The following CMTM5 variants were observed in gnomAD, a reference collection of about 807,000 sequenced individuals.
CMTM5 encodes the protein CKLF like MARVEL transmembrane domain containing 5, also known as CKLF-like MARVEL transmembrane domain-containing protein 5.
In CMTM5, 25 loss-of-function variants were observed where a neutral mutation model predicts 26.9. That is an observed-to-expected ratio of 0.93 (90% CI 0.68 to 1.30). The LOEUF (loss-of-function observed/expected upper bound fraction) is 1.30, where lower values mean the gene tolerates loss of function less well. CMTM5 is among the 50% of genes most tolerant of loss of function. The pLI is 0.00. For synonymous variants in CMTM5, 98 were observed against 115.5 expected (o/e 0.85, Z 0.97); for missense variants, 292 against 289.6 (o/e 1.01, Z -0.06).
Position 23,377,292 on chromosome 14 carries a change from A to AG in CMTM5, c.46dup (p.Val16GlyfsTer74). ...GATCGCCGGGACCGGCACCCTGAGG[A>AG]GGGGGTAGTTGCAGAGCTCCAGGGC... On this transcript the variant is annotated frameshift_variant, in exon 1 of 6. Coordinates refer to ENST00000339180, the MANE Select transcript of CMTM5 (RefSeq NM_001288746.2). LOFTEE classifies it high-confidence loss of function. The surrounding 1 kb of genome is among the most constrained non-coding windows in gnomAD (Gnocchi z 4.6). 1 of 1,612,284 alleles carries AG rather than the reference A, an allele frequency of 6.2e-7. No homozygotes were observed. The highest frequency in any genetic ancestry group is 1.1e-5 in the South Asian group (1 of 90,908).
Position 23,378,642 on chromosome 14 carries a change from G to A in CMTM5, c.280-27G>A, listed in dbSNP as rs1475908448. 3.1e-6 allele frequency: 5 copies of A among 1,610,856 alleles called. No individual in the cohort carries two copies. The highest frequency in any genetic ancestry group is 1.6e-4 in the Middle Eastern group (1 of 6,078). On this transcript the variant is annotated intron_variant, in intron 2 of 5. Transcript: ENST00000339180. The surrounding 1 kb of genome is among the most constrained non-coding windows in gnomAD (Gnocchi z 4.2). ...CATGCTATGCCCTGCACTCAAAGGTGTGCTTTGACTCACACTGATTTCACA... is the reference window on the plus strand; with the variant it reads ...CATGCTATGCCCTGCACTCAAAGGTATGCTTTGACTCACACTGATTTCACA...
chr14:23,377,362 G>A lies in CMTM5; in HGVS notation c.111G>A (p.Leu37=), dbSNP rs769743396. 1 of 1,591,142 alleles carries A rather than the reference G, an allele frequency of 6.3e-7. No homozygotes were observed. The highest frequency in any genetic ancestry group is 8.6e-7 in the Non-Finnish European group (1 of 1,166,034). ...KAFLTSHKGI[L]LETELALTLI... ...TCCTCACCTCCCACAAGGGCATCCT[G>A]CTGGAAACCGAGCTGGTAACAGCTG... Residue 37 remains leucine (L), a synonymous_variant, in exon 1 of 6, where the codon CTG becomes CTA. Coordinates refer to ENST00000339180, the MANE Select transcript of CMTM5 (RefSeq NM_001288746.2). This position sits in a 1 kb window ranked among gnomAD's most constrained non-coding sequence, Gnocchi z 4.6.
At position 23,378,927 on chromosome 14, in the gene CMTM5, G is replaced by A. The variant is rs1349763673; in HGVS notation, c.480+58G>A. ...TTGTGTGAGGGGTATCCTATGGAGGGGTTCAGAATCCCTCAGGGTCGGGCT... is the reference window on the plus strand; with the variant it reads ...TTGTGTGAGGGGTATCCTATGGAGGAGTTCAGAATCCCTCAGGGTCGGGCT... On this transcript the variant is annotated intron_variant, in intron 3 of 5. Transcript: ENST00000339180. This position sits in a 1 kb window ranked among gnomAD's most constrained non-coding sequence, Gnocchi z 4.2. 56 of 1,605,728 alleles carry A rather than the reference G, an allele frequency of 3.5e-5. No individual in the cohort carries two copies. Among genetic ancestry groups the A allele is most frequent in the Non-Finnish European group, 4.6e-5 (54 of 1,174,314 alleles).
Position 23,379,128 on chromosome 14 carries a change from GT to G in CMTM5, c.573+7del. 2 of 1,613,438 alleles carry G rather than the reference GT, an allele frequency of 1.2e-6. No individual in the cohort carries two copies. Among genetic ancestry groups the G allele is most frequent in the Non-Finnish European group, 1.7e-6 (2 of 1,179,658 alleles). Reference sequence around the variant, plus strand: ...GGAGCTGCCATTGCTGCTTTTGTGAGTTCAGCCCTGCAGGACTCCTTAGCCC... The same window carrying G: ...GGAGCTGCCATTGCTGCTTTTGTGAGTCAGCCCTGCAGGACTCCTTAGCCC... On this transcript the variant is annotated splice_donor_region_variant and intron_variant, in intron 4 of 5. Coordinates refer to ENST00000339180, the MANE Select transcript of CMTM5 (RefSeq NM_001288746.2).
Position 23,377,963 on chromosome 14 carries a change from T to C in CMTM5, c.127-386T>C. The C allele has an allele frequency of 4.5e-6, 1 of 220,806 alleles. No homozygotes were observed. The highest frequency in any genetic ancestry group is 8.8e-6 in the Non-Finnish European group (1 of 113,352). The allele number at this position is 220,806 out of a possible 1,614,324, so 13.7% of individuals were successfully genotyped here. On this transcript the variant is annotated intron_variant, in intron 1 of 5. Transcript: ENST00000339180. This position sits in a 1 kb window ranked among gnomAD's most constrained non-coding sequence, Gnocchi z 4.6. ...CCTTGTCAGGGGGCTTTCAGGCATCTGGGGGTGGGGAAAGCATTATGAGGC... is the reference window on the plus strand; with the variant it reads ...CCTTGTCAGGGGGCTTTCAGGCATCCGGGGGTGGGGAAAGCATTATGAGGC...
Position 23,378,553 on chromosome 14 carries a change from A to T in CMTM5, c.279+52A>T. 1.2e-6 allele frequency: 2 copies of T among 1,611,278 alleles called. No homozygotes were observed. Among genetic ancestry groups the T allele is most frequent in the Non-Finnish European group, 1.7e-6 (2 of 1,177,886 alleles). On this transcript the variant is annotated intron_variant, in intron 2 of 5. Coordinates refer to ENST00000339180, the MANE Select transcript of CMTM5 (RefSeq NM_001288746.2). This position sits in a 1 kb window ranked among gnomAD's most constrained non-coding sequence, Gnocchi z 4.2. The stretch of plus-strand genomic sequence containing the variant: ...TTTGGGGCCCTTCCCTCTCCTCTAA[A>T]TGATGCATTTTCCTTTCCTCCCCGA...
At position 23,378,101 on chromosome 14, in the gene CMTM5, T is replaced by A; in HGVS notation, c.127-248T>A. 1 of 559,638 alleles carries A rather than the reference T, an allele frequency of 1.8e-6. No homozygotes were observed. The highest frequency in any genetic ancestry group is 3.2e-6 in the Non-Finnish European group (1 of 314,356). 34.7% of individuals were successfully genotyped at this position (559,638 alleles called of 1,614,324 possible). On this transcript the variant is annotated intron_variant, in intron 1 of 5. Transcript: ENST00000339180. This position sits in a 1 kb window ranked among gnomAD's most constrained non-coding sequence, Gnocchi z 4.2. Reference sequence around the variant, plus strand: ...TGGGATAGTGCTCCTGGGAGCCATATGGCTTGGCCAGACTGCTGGGGTTGC... The same window carrying A: ...TGGGATAGTGCTCCTGGGAGCCATAAGGCTTGGCCAGACTGCTGGGGTTGC...
At position 23,379,293 on chromosome 14, in the gene CMTM5, C is replaced by A; in HGVS notation, c.574-6C>A. 6.2e-7 allele frequency: 1 copy of A among 1,614,156 alleles called. No individual in the cohort carries two copies. Among genetic ancestry groups the A allele is most frequent in the Non-Finnish European group, 8.5e-7 (1 of 1,180,010 alleles). On this transcript the variant is annotated splice_polypyrimidine_tract_variant and splice_region_variant and intron_variant, in intron 4 of 5. Coordinates refer to ENST00000339180, the MANE Select transcript of CMTM5 (RefSeq NM_001288746.2). ...TGTTTTGCCATCCCCACTCCCACTCCCACAGGTTTTTGGCATCATCCTGGT... is the reference window on the plus strand; with the variant it reads ...TGTTTTGCCATCCCCACTCCCACTCACACAGGTTTTTGGCATCATCCTGGT...
Position 23,379,640 on chromosome 14 carries a change from T to C in CMTM5, c.*153T>C. ...TGAGACGTCACTGGGGACTTATCTG[T>C]GGAGCCTGGTGCTCCAGGATGTGGC... On this transcript the variant is annotated 3_prime_UTR_variant, in exon 6 of 6. Coordinates refer to ENST00000339180, the MANE Select transcript of CMTM5 (RefSeq NM_001288746.2). 1 of 1,393,074 alleles carries C rather than the reference T, an allele frequency of 7.2e-7. No individual in the cohort carries two copies. The highest frequency in any genetic ancestry group is 1.3e-5 in the South Asian group (1 of 74,938). The allele number at this position is 1,393,074 out of a possible 1,614,324, so 86.3% of individuals were successfully genotyped here. A position where few individuals can be genotyped will look rare whatever the true frequency, so the allele number is the denominator to read the frequency against.
rs1236622640 is a variant in CMTM5 at position 23,379,039 on chromosome 14, G to A, written c.489G>A (p.Leu163=). Residue 163 remains leucine (L), a synonymous_variant, in exon 4 of 6, where the codon CTG becomes CTA. Transcript: ENST00000339180. ...CFHSLGSSDF[L]RCVSAIIIFL... is the part of the protein sequence containing the mutation. ...GCACCCCTGGCCCCCAGGACTTCCT[G>A]CGCTGTGTCAGTGCCATCATCATCT... 6.2e-7 allele frequency: 1 copy of A among 1,613,966 alleles called. No individual in the cohort carries two copies. Among genetic ancestry groups the A allele is most frequent in the Non-Finnish European group, 8.5e-7 (1 of 1,180,016 alleles).
At position 23,377,481 on chromosome 14, in the gene CMTM5, A is replaced by G. The variant is rs7150284; in HGVS notation, c.126+104A>G. 0.026 allele frequency: 34,654 copies of G among 1,355,598 alleles called. 1,487 individuals are homozygous for G. The highest frequency in any genetic ancestry group is 0.19 in the African/African-American group (12,817 of 66,896). 84.0% of individuals were successfully genotyped at this position (1,355,598 alleles called of 1,614,324 possible). On this transcript the variant is annotated intron_variant, in intron 1 of 5. Coordinates refer to ENST00000339180, the MANE Select transcript of CMTM5 (RefSeq NM_001288746.2). The surrounding 1 kb of genome is among the most constrained non-coding windows in gnomAD (Gnocchi z 4.6). ...CACCCTTCAGTAGCCTCCTTCCCCA[A>G]GCCCTCTGGACACCTCTCCTGCCCG...
Position 23,378,408 on chromosome 14 carries a change from G to A in CMTM5, c.186G>A (p.Ala62=), listed in dbSNP as rs911310279. ...FTASISAYMA[A]ALLEFFITLA... is the part of the protein sequence containing the mutation. ...CCTCCATCTCTGCCTACATGGCCGCGGCGCTACTGGAGTTCTTCATCACAC... is the reference window on the plus strand; with the variant it reads ...CCTCCATCTCTGCCTACATGGCCGCAGCGCTACTGGAGTTCTTCATCACAC... The change falls in exon 2 of 6, where the codon GCG becomes GCA. Residue 62 remains alanine (A), a synonymous_variant. Coordinates refer to ENST00000339180, the MANE Select transcript of CMTM5 (RefSeq NM_001288746.2). The surrounding 1 kb of genome is among the most constrained non-coding windows in gnomAD (Gnocchi z 4.2). The A allele has an allele frequency of 6.8e-6, 11 of 1,613,946 alleles. No homozygotes were observed. The highest frequency in any genetic ancestry group is 2.7e-5 in the African/African-American group (2 of 74,862).
Position 23,378,992 on chromosome 14 carries a change from C to T in CMTM5, c.481-39C>T. 1 of 1,611,346 alleles carries T rather than the reference C, an allele frequency of 6.2e-7. No homozygotes were observed. The highest frequency in any genetic ancestry group is 1.3e-5 in the African/African-American group (1 of 74,976). On this transcript the variant is annotated intron_variant, in intron 3 of 5. Coordinates refer to ENST00000339180, the MANE Select transcript of CMTM5 (RefSeq NM_001288746.2). The surrounding 1 kb of genome is among the most constrained non-coding windows in gnomAD (Gnocchi z 4.2). ...AAAACTTCAGGGTAACGCCCCCTGC[C>T]TTCTGAGGTCCTGTTAACCCTGCAC...
At chr14:23,379,151 G>A (rs772012751) in intron 4 of CMTM5, 28 bp downstream of exon 4, 1 of 1,610,024 alleles carries the variant, frequency 6.2e-7, no homozygotes, top group Non-Finnish European at 8.5e-7. Flanking sequence ...GGACTCCTTA[G>A]CCCCTCAAGA....
intron 4 of CMTM5, 59 bp downstream of exon 4, chr14:23,379,182 A>C: frequency 6.2e-7 from 1 of 1,601,070 alleles, no homozygotes; most frequent in South Asian, 1.1e-5. Context: ...GTGCTTGCAC[A>C]CTTTCTGTAT....
At position 23,378,990 on chromosome 14, in the gene CMTM5, G is replaced by A; in HGVS notation, c.481-41G>A. On this transcript the variant is annotated intron_variant, in intron 3 of 5. Transcript: ENST00000339180. The surrounding 1 kb of genome is among the most constrained non-coding windows in gnomAD (Gnocchi z 4.2). ...GGAAAACTTCAGGGTAACGCCCCCT[G>A]CCTTCTGAGGTCCTGTTAACCCTGC... 1 of 1,610,872 alleles carries A rather than the reference G, an allele frequency of 6.2e-7. No homozygotes were observed. The highest frequency in any genetic ancestry group is 8.5e-7 in the Non-Finnish European group (1 of 1,177,438).
Position 23,379,282 on chromosome 14 carries a change from C to T in CMTM5, c.574-17C>T. On this transcript the variant is annotated splice_polypyrimidine_tract_variant and intron_variant, in intron 4 of 5. Coordinates refer to ENST00000339180, the MANE Select transcript of CMTM5 (RefSeq NM_001288746.2). ...CCTATAGCCTCTGTTTTGCCATCCC[C>T]ACTCCCACTCCCACAGGTTTTTGGC... The T allele has an allele frequency of 1.2e-6, 2 of 1,613,880 alleles. No individual in the cohort carries two copies. The highest frequency in any genetic ancestry group is 1.7e-6 in the Non-Finnish European group (2 of 1,179,914).
At position 23,379,595 on chromosome 14, in the gene CMTM5, C is replaced by T. The variant is rs548958729; in HGVS notation, c.*108C>T. The T allele has an allele frequency of 4.3e-5, 67 of 1,554,704 alleles. No individual in the cohort carries two copies. In the South Asian group the frequency reaches 7.5e-4, roughly 17 times the overall value. ...CCCAGCCCGCCAAACCCCACCCCAG[C>T]CCTACACAGCAGTCTGGCCTGAGAC... On this transcript the variant is annotated 3_prime_UTR_variant, in exon 6 of 6. Transcript: ENST00000339180.
Position 23,379,577 on chromosome 14 carries a change from C to T in CMTM5, c.*90C>T, listed in dbSNP as rs980337976. ...CCTTGGGATTCACTAGCCCCCAGCC[C>T]GCCAAACCCCACCCCAGCCCTACAC... On this transcript the variant is annotated 3_prime_UTR_variant, in exon 6 of 6. Coordinates refer to ENST00000339180, the MANE Select transcript of CMTM5 (RefSeq NM_001288746.2). The T allele has an allele frequency of 3.8e-5, 60 of 1,583,844 alleles. No homozygotes were observed. Among genetic ancestry groups the T allele is most frequent in the East Asian group, 6.9e-5 (3 of 43,514 alleles).
Sources: gnomAD v4.1 joint callset for allele counts on GRCh38, gnomAD v4.1.1 for gene constraint, Gnocchi (gnomAD v3.1) non-coding constraint, MANE v1.5 for transcripts, NCBI Gene and HGNC (gene_info 2026-07-23, HGNC 2026-07-21) for gene names.